The following CDH18 variants were observed in gnomAD, a reference collection of about 807,000 sequenced individuals.
CDH18 encodes cadherin 18.
In CDH18, 31 loss-of-function variants were observed where a neutral mutation model predicts 67.9. The observed-to-expected ratio is 0.46, with a 90% CI of 0.34 to 0.62. The LOEUF (loss-of-function observed/expected upper bound fraction) is 0.62. Among genes scored for constraint, CDH18 ranks in the 20% least tolerant of loss-of-function variants. CDH18 has a pLI of 0.01. For synonymous variants in CDH18, 362 were observed against 347.2 expected, an observed-to-expected ratio of 1.04 and a Z score of -0.48; for missense variants, 890 against 975.5, an observed-to-expected ratio of 0.91 and a Z score of 1.17.
At chr5:19,878,817 TA>T (rs1273372918) in intron 2 of CDH18, among the ~76,000 whole-genome samples, 2 of 152,190 alleles carry the variant, frequency 1.3e-5, no homozygotes, top group Non-Finnish European at 2.9e-5. Flanking sequence ...AGTCATTTTA[TA>T]AAAAAATCTT....
intron 2 of CDH18, among the ~76,000 whole-genome samples, chr5:19,937,059 G>A (rs1794357657): frequency 6.6e-6 from 1 of 151,070 alleles, no homozygotes; most frequent in African/African-American, 2.4e-5. Context: ...GCAATTTTTT[G>A]AAAACCAATG....
intron 2 of CDH18, among the ~76,000 whole-genome samples, chr5:20,129,688 T>A (rs1197002901): frequency 2.6e-5 from 4 of 151,998 alleles, no homozygotes; most frequent in South Asian, 2.1e-4. Flanking sequence ...TGGTCCCAGA[T>A]AAGGAGAGCC....
chr5:20,168,906 T>C (rs1018815910), intron 2 of CDH18, among the ~76,000 whole-genome samples: 8 of 152,052 alleles, frequency 5.3e-5, no homozygotes, highest in African/African-American at 1.9e-4. Flanking sequence ...CATCACTTAT[T>C]TGTGGGATCT....
chr5:19,769,067 G>C (rs1040687889), intron 3 of CDH18, among the ~76,000 whole-genome samples: 1 of 151,882 alleles, frequency 6.6e-6, no homozygotes, highest in African/African-American at 2.4e-5. Flanking sequence ...CAGCATATAA[G>C]ATACCACCAA....
chr5:20,093,386 C>A (rs1278736647), intron 2 of CDH18, among the ~76,000 whole-genome samples: 1 of 149,156 alleles, frequency 6.7e-6, no homozygotes, highest in Admixed American at 6.7e-5. Flanking sequence ...GTTATTTGAT[C>A]TTGCAGGTAA....
chr5:20,018,727 C>G (rs554729280), intron 2 of CDH18, among the ~76,000 whole-genome samples: 10 of 151,692 alleles, frequency 6.6e-5, no homozygotes, highest in African/African-American at 1.7e-4. Flanking sequence ...CTGGAACATT[C>G]AGATCTGGTA....
chr5:19,645,093 T>A (rs1006965457), intron 5 of CDH18, among the ~76,000 whole-genome samples: 1 of 152,178 alleles, frequency 6.6e-6, no homozygotes, highest in African/African-American at 2.4e-5. Context: ...TCAAAAATGC[T>A]TAGAATAGAG....
chr5:19,581,334 A>C (rs1743218090), intron 7 of CDH18, among the ~76,000 whole-genome samples: 1 of 151,820 alleles, frequency 6.6e-6, no homozygotes. Flanking sequence ...ATATTAATCC[A>C]TTTCATATTA....
intron 5 of CDH18, among the ~76,000 whole-genome samples, chr5:19,625,849 G>C (rs568155283): frequency 1.1e-3 from 174 of 152,170 alleles, no homozygotes; most frequent in Non-Finnish European, 1.3e-3. Flanking sequence ...GGTGGAACTT[G>C]GGATTCAAAC....
At chr5:20,516,594 A>G (rs115352093) in intron 1 of CDH18, among the ~76,000 whole-genome samples, 242 of 152,082 alleles carry the variant, frequency 1.6e-3, no homozygotes, top group African/African-American at 5.7e-3. Flanking sequence ...AATGCAGCAC[A>G]GAGAAATTAG....
At chr5:20,029,213 T>C (rs1323163758) in intron 2 of CDH18, among the ~76,000 whole-genome samples, 6 of 152,156 alleles carry the variant, frequency 3.9e-5, no homozygotes, top group Admixed American at 3.9e-4. Context: ...GACTTCTTAG[T>C]ATGTGTATAT....
rs142594248 is a variant in CDH18, at chr5:19,877,688, T to C, written c.-256-38446A>G. On this transcript the variant is annotated intron_variant, in intron 2 of 12. Coordinates refer to ENST00000382275, the MANE Select transcript of CDH18 (RefSeq NM_004934.5). ...GCTTGGAAGTAGGGCCTAAAACAAG[T>C]AGATAGAATTATGTAACTGAGATTA... is the stretch of plus-strand genomic sequence containing the variant. 8.9e-4 allele frequency among the ~76,000 whole-genome samples: 135 copies of C among 152,174 alleles called. 2 individuals are homozygous for C. The East Asian group carries it at 0.023, about 26-fold the overall frequency.
chr5:19,721,724 G>C (rs955647474), intron 4 of CDH18, among the ~76,000 whole-genome samples: 2 of 152,130 alleles, frequency 1.3e-5, no homozygotes, highest in African/African-American at 2.4e-5. Flanking sequence ...CATTGTGAAT[G>C]ATGGTCTCTT....
intron 1 of CDH18, among the ~76,000 whole-genome samples, chr5:20,347,051 G>C (rs1428887050): frequency 6.6e-6 from 1 of 152,122 alleles, no homozygotes; most frequent in Non-Finnish European, 1.5e-5. Flanking sequence ...ACTTTGTAGA[G>C]CTAAATTGTT....
At chr5:19,783,281 T>C (rs1029420625) in intron 3 of CDH18, among the ~76,000 whole-genome samples, 1 of 152,116 alleles carries the variant, frequency 6.6e-6, no homozygotes, top group South Asian at 2.1e-4. Context: ...CAAATATTAA[T>C]AAGGTACAAT....
chr5:20,340,846 T>C (rs1740198486), intron 1 of CDH18, among the ~76,000 whole-genome samples: 1 of 152,142 alleles, frequency 6.6e-6, no homozygotes, highest in African/African-American at 2.4e-5. Flanking sequence ...CCTCAACCCA[T>C]AAGTTGGAGC....
chr5:20,285,428 CATAAT>C (rs947885784), intron 1 of CDH18, among the ~76,000 whole-genome samples: 5 of 115,568 alleles, frequency 4.3e-5, no homozygotes, highest in South Asian at 2.9e-4. Context: ...ATAATATAAT[CATAAT>C]ATAATATAAT....
intron 2 of CDH18, among the ~76,000 whole-genome samples, chr5:20,117,250 G>T (rs1748000075): frequency 6.6e-6 from 1 of 152,082 alleles, no homozygotes; most frequent in Non-Finnish European, 1.5e-5. Flanking sequence ...GTATTCATAT[G>T]CTGTACATCA....
At chr5:20,065,234 G>A (rs1742879503) in intron 2 of CDH18, among the ~76,000 whole-genome samples, 4 of 151,788 alleles carry the variant, frequency 2.6e-5, no homozygotes, top group Admixed American at 6.6e-5. Context: ...AGGAAGTGAC[G>A]TATCTTATAA....
Sources: gnomAD v4.1 joint callset for allele counts (sites outside exome capture counted in the v4.1 genomes callset) on GRCh38, gnomAD v4.1.1 for gene constraint, MANE v1.5 for transcripts, NCBI Gene and HGNC (gene_info 2026-07-23, HGNC 2026-07-21) for gene names.